NPR3: variants seen among roughly 807,000 people sequenced by gnomAD.
NPR3 encodes the protein natriuretic peptide receptor 3.
In NPR3, 34 loss-of-function variants were observed where a neutral mutation model predicts 54.5. The ratio of observed to expected loss-of-function variants is 0.62; its 90% CI spans 0.47 to 0.83. The LOEUF is 0.83. Among genes scored for constraint, NPR3 ranks in the 40% least tolerant of loss-of-function variants. The probability of loss-of-function intolerance (pLI) is 0.00; values close to 1 mark genes in which losing one functional copy is unlikely to be tolerated. For synonymous variants in NPR3, 289 were observed against 297.1 expected (o/e 0.97, Z 0.28); for missense variants, 674 against 720.8 (o/e 0.94, Z 0.74).
chr5:32,746,532 C>T (rs1436677099), intron 3 of NPR3, among the ~76,000 whole-genome samples: 3 of 152,134 alleles, frequency 2.0e-5, no homozygotes, highest in East Asian at 1.9e-4. Flanking sequence ...TGAACAAAGA[C>T]CTAAATGCTT....
Position 32,786,358 on chromosome 5 carries a change from A to T in NPR3, c.*13A>T. The T allele has an allele frequency of 3.4e-6, 4 of 1,170,996 alleles. No homozygotes were observed. The highest frequency in any genetic ancestry group is 4.2e-5 in the Admixed American group (2 of 47,960). 72.5% of individuals were successfully genotyped at this position (1,170,996 alleles called of 1,614,324 possible). A position where few individuals can be genotyped will look rare whatever the true frequency, so the allele number is the denominator to read the frequency against. ...TTCAGTAGCTTAAAGGAAGCCCCCC[A>T]CTTTTTTTTTTTCTGCCTGAGATTC... On this transcript the variant is annotated 3_prime_UTR_variant, in exon 8 of 8. Coordinates refer to ENST00000265074, the MANE Select transcript of NPR3 (RefSeq NM_001204375.2).
chr5:32,710,748 G>A, upstream of NPR3: 4 of 1,548,302 alleles, frequency 2.6e-6, no homozygotes, highest in South Asian at 1.2e-5. Context: ...GCCCCGCGTC[G>A]GTGCTTCAGG....
chr5:32,710,532 G>A, upstream of NPR3: 1 of 1,073,742 alleles, frequency 9.3e-7, no homozygotes. Flanking sequence ...CCGTGAGCTG[G>A]GACACTGTGA....
intron 1 of NPR3, chr5:32,716,327 TC>T: frequency 2.3e-6 from 1 of 437,672 alleles, no homozygotes; most frequent in Non-Finnish European, 4.5e-6. Flanking sequence ...TGTTAGCTCT[TC>T]CTGTAGGTAT....
upstream of NPR3, chr5:32,710,894 A>ATATGTGTG: frequency 2.0e-6 from 1 of 507,670 alleles, no homozygotes; most frequent in Non-Finnish European, 2.9e-6. Context: ...GTGTGTGTAT[A>ATATGTGTG]TGTGTGTGTG....
chr5:32,713,221 T>C (rs3828589), intron 1 of NPR3: 376,070 of 984,900 alleles, frequency 0.38, 72,994 homozygotes, highest in Middle Eastern at 0.43. Context: ...GCAACGCAGT[T>C]TCTAATGCGC....
At position 32,786,272 on chromosome 5, in the gene NPR3, A is replaced by G. The variant is rs1276147444; in HGVS notation, c.1553A>G (p.Gln518Arg). The change falls in exon 8 of 8, where the codon CAA becomes CGA. Residue 518 changes from glutamine to arginine, a missense_variant. Physicochemically the swap from Gln to Arg is conservative, Grantham distance 43. Coordinates refer to ENST00000265074, the MANE Select transcript of NPR3 (RefSeq NM_001204375.2). ...YRITIERRTQ[Q>R]EESNLGKHRE... ...ATAACCATTGAGAGGCGAACCCAGC[A>G]AGAAGAAAGTAACCTTGGAAAACAT... 3 of 1,582,762 alleles carry G rather than the reference A, an allele frequency of 1.9e-6. No homozygotes were observed. The highest frequency in any genetic ancestry group is 2.6e-6 in the Non-Finnish European group (3 of 1,155,550).
chr5:32,699,273 C>T (rs80285873), intron 1 of NPR3, among the ~76,000 whole-genome samples: 2,988 of 152,164 alleles, frequency 0.02, 39 homozygotes, highest in Non-Finnish European at 0.032. Context: ...AAAAACTCTG[C>T]GCTTCATTTT....
intron 3 of NPR3, among the ~76,000 whole-genome samples, chr5:32,773,530 A>C (rs1022588480): frequency 6.6e-6 from 1 of 152,084 alleles, no homozygotes; most frequent in Non-Finnish European, 1.5e-5. Flanking sequence ...AAACATTTGC[A>C]CTTCCCAAAA....
chr5:32,712,151 C>T lies in NPR3; in HGVS notation c.375C>T (p.Gly125=). 1.9e-6 allele frequency: 3 copies of T among 1,613,358 alleles called. No individual in the cohort carries two copies. Among genetic ancestry groups the T allele is most frequent in the Middle Eastern group, 1.6e-4 (1 of 6,062 alleles). ...TGGACCGCGTGGCGGCGGCGCGGGG[C>T]GCCAAGCCAGACCTTATCCTGGGGC... The part of the protein sequence containing the change: ...SLVDRVAAAR[G]AKPDLILGPV... Residue 125 remains glycine (G), a synonymous_variant, in exon 1 of 8, where the codon GGC becomes GGT. Transcript: ENST00000265074.
chr5:32,724,659 A>G, intron 1 of NPR3, 39 bp from the exon 2 acceptor site: 1 of 1,612,890 alleles, frequency 6.2e-7, no homozygotes, highest in Non-Finnish European at 8.5e-7. Flanking sequence ...AGTGCTCTGC[A>G]AAGGGGTGCC....
chr5:32,723,461 A>T (rs116764329), intron 1 of NPR3, among the ~76,000 whole-genome samples: 184 of 152,354 alleles, frequency 1.2e-3, no homozygotes, highest in Non-Finnish European at 1.9e-3. Context: ...ACGATTTCTT[A>T]TGTATGTTGA....
At chr5:32,755,687 A>G (rs1414635724) in intron 3 of NPR3, among the ~76,000 whole-genome samples, 3 of 152,178 alleles carry the variant, frequency 2.0e-5, no homozygotes, top group Non-Finnish European at 4.4e-5. Flanking sequence ...TTCTTAGAAG[A>G]GTGGTTTGGA....
chr5:32,750,432 G>A (rs953386027), intron 3 of NPR3, among the ~76,000 whole-genome samples: 2 of 152,140 alleles, frequency 1.3e-5, no homozygotes, highest in Non-Finnish European at 2.9e-5. Flanking sequence ...CACCCCTCCC[G>A]GCTTGTCGAT....
At chr5:32,703,491 C>A (rs994564669) in intron 1 of NPR3, among the ~76,000 whole-genome samples, 3 of 152,120 alleles carry the variant, frequency 2.0e-5, no homozygotes, top group Non-Finnish European at 4.4e-5. Context: ...CCCTGGGTTT[C>A]ACCAAAGGCC....
intron 1 of NPR3, 25 bp from the exon 2 acceptor site, chr5:32,724,673 T>C: frequency 1.2e-6 from 2 of 1,613,758 alleles, no homozygotes; most frequent in East Asian, 2.2e-5. Flanking sequence ...GGGTGCCTCA[T>C]GTGTGTTGTT....
intron 2 of NPR3, among the ~76,000 whole-genome samples, chr5:32,737,402 A>G (rs2111940344): frequency 6.6e-6 from 1 of 152,346 alleles, no homozygotes; most frequent in East Asian, 1.9e-4. Context: ...TCACACTGTC[A>G]TAGAAATTCC....
chr5:32,702,624 G>C (rs1737853257), intron 1 of NPR3, among the ~76,000 whole-genome samples: 1 of 152,182 alleles, frequency 6.6e-6, no homozygotes, highest in East Asian at 1.9e-4. Flanking sequence ...GTATTCCATA[G>C]TGTATATGTG....
At chr5:32,728,835 G>GGATATATATA in intron 2 of NPR3, among the ~76,000 whole-genome samples, 1 of 60,634 alleles carries the variant, frequency 1.6e-5, no homozygotes, top group South Asian at 8.7e-4. Context: ...GTGTGTGTGT[G>GGATATATATA]TGTATATATA....
Sources: gnomAD v4.1 joint callset for allele counts (sites outside exome capture counted in the v4.1 genomes callset) on GRCh38, gnomAD v4.1.1 for gene constraint, MANE v1.5 for transcripts, NCBI Gene and HGNC (gene_info 2026-07-23, HGNC 2026-07-21) for gene names.